TAFA2: variants seen among roughly 807,000 people sequenced by gnomAD.
The protein encoded by TAFA2 is TAFA chemokine like family member 2.
TAFA2 carries 7 observed loss-of-function variants against 18.8 expected under a neutral mutation model. The observed-to-expected ratio is 0.37, with a 90% CI of 0.21 to 0.70. The LOEUF is 0.70. Ranked by LOEUF, TAFA2 falls within the 30% of genes least tolerant of loss-of-function variation. The probability of loss-of-function intolerance (pLI) is 0.53; values close to 1 mark genes in which losing one functional copy is unlikely to be tolerated. For missense variants in TAFA2, 122 were observed against 158.1 expected (o/e 0.77, Z 1.23); for synonymous variants, 60 against 54.2 (o/e 1.11, Z -0.47).
At chr12:62,178,955 AT>A (rs1408851516) in intron 1 of TAFA2, among the ~76,000 whole-genome samples, 1 of 152,144 alleles carries the variant, frequency 6.6e-6, no homozygotes, top group Non-Finnish European at 1.5e-5. Context: ...TGTCTGTATG[AT>A]TTTTACCTTT....
intron 2 of TAFA2, among the ~76,000 whole-genome samples, chr12:61,788,058 G>T (rs555982796): frequency 6.6e-6 from 1 of 151,754 alleles, no homozygotes; most frequent in East Asian, 1.9e-4. Flanking sequence ...AACTATAGTT[G>T]CAGCAGATAA....
At chr12:61,763,090 T>C (rs1223135207) in intron 2 of TAFA2, among the ~76,000 whole-genome samples, 1 of 152,058 alleles carries the variant, frequency 6.6e-6, no homozygotes, top group African/African-American at 2.4e-5. Context: ...TTTTTAGACT[T>C]TCATGCTGAA....
At chr12:62,038,734 T>G (rs1218863398) in intron 1 of TAFA2, among the ~76,000 whole-genome samples, 1 of 152,170 alleles carries the variant, frequency 6.6e-6, no homozygotes, top group African/African-American at 2.4e-5. Flanking sequence ...CTTCATTTGA[T>G]CACTTAAAAA....
chr12:62,147,729 CAAAAAAAAAA>C (rs10552283), intron 1 of TAFA2, among the ~76,000 whole-genome samples: 6 of 76,394 alleles, frequency 7.9e-5, no homozygotes, highest in Non-Finnish European at 1.5e-4. Context: ...GACTCTGTCT[CAAAAAAAAAA>C]AAAAAAAAAA....
intron 1 of TAFA2, among the ~76,000 whole-genome samples, chr12:62,181,712 G>A (rs1458680916): frequency 1.3e-5 from 2 of 152,244 alleles, no homozygotes; most frequent in South Asian, 2.1e-4. Flanking sequence ...TGTGACATGA[G>A]GTCCTAGACA....
At chr12:61,867,787 A>T (rs1255164364) in intron 1 of TAFA2, among the ~76,000 whole-genome samples, 4 of 152,164 alleles carry the variant, frequency 2.6e-5, no homozygotes, top group Non-Finnish European at 5.9e-5. Context: ...TAAATGCCTT[A>T]TTATTTTACT....
intron 1 of TAFA2, among the ~76,000 whole-genome samples, chr12:62,069,605 G>A (rs1224805887): frequency 6.6e-6 from 1 of 152,146 alleles, no homozygotes; most frequent in Non-Finnish European, 1.5e-5. Flanking sequence ...AGGTTGAGCA[G>A]TTCAAAAGAA....
chr12:61,853,459 G>T (rs1873761494), intron 2 of TAFA2, among the ~76,000 whole-genome samples: 1 of 150,088 alleles, frequency 6.7e-6, no homozygotes, highest in East Asian at 1.9e-4. Context: ...TTTGATGGCG[G>T]ATTAAAAAAA....
intron 2 of TAFA2, among the ~76,000 whole-genome samples, chr12:61,828,966 C>T (rs1326452847): frequency 6.6e-6 from 1 of 151,684 alleles, no homozygotes; most frequent in African/African-American, 2.4e-5. Flanking sequence ...TCTGATGACT[C>T]CACATAGACA....
At chr12:62,138,346 C>T (rs935636187) in intron 1 of TAFA2, among the ~76,000 whole-genome samples, 24 of 152,098 alleles carry the variant, frequency 1.6e-4, no homozygotes, top group Non-Finnish European at 3.2e-4. Flanking sequence ...TATTCTCCTA[C>T]CCTTCTTTAT....
At chr12:62,106,971 G>A (rs1869487911) in intron 1 of TAFA2, among the ~76,000 whole-genome samples, 1 of 152,002 alleles carries the variant, frequency 6.6e-6, no homozygotes. Flanking sequence ...TCCCCCTGTT[G>A]ACATAGGTCA....
chr12:61,854,314 A>G (rs1386610020), intron 2 of TAFA2, among the ~76,000 whole-genome samples: 1 of 152,182 alleles, frequency 6.6e-6, no homozygotes, highest in Non-Finnish European at 1.5e-5. Context: ...CCCCCAAAAA[A>G]TTATAGCAGA....
intron 2 of TAFA2, among the ~76,000 whole-genome samples, chr12:61,790,598 A>G (rs959565317): frequency 4.6e-5 from 7 of 151,840 alleles, no homozygotes; most frequent in African/African-American, 1.7e-4. Flanking sequence ...AAAATGAAGA[A>G]AACAATCACT....
chr12:62,064,592 T>G (rs1354161454), intron 1 of TAFA2, among the ~76,000 whole-genome samples: 1 of 152,094 alleles, frequency 6.6e-6, no homozygotes, highest in Non-Finnish European at 1.5e-5. Context: ...TACCACTTGG[T>G]GGATTCAACA....
At chr12:62,193,157 G>C (rs1277415211), upstream of TAFA2, among the ~76,000 whole-genome samples, 1 of 152,084 alleles carries the variant, frequency 6.6e-6, no homozygotes, top group Non-Finnish European at 1.5e-5. Context: ...GGCTCACTTC[G>C]ATCATGTTTG....
intron 1 of TAFA2, among the ~76,000 whole-genome samples, chr12:61,993,868 T>C (rs984488399): frequency 6.6e-6 from 1 of 152,140 alleles, no homozygotes; most frequent in Non-Finnish European, 1.5e-5. Flanking sequence ...AGATGAAAGA[T>C]TCATGTTCCT....
At chr12:61,997,266 G>A (rs775693130) in intron 1 of TAFA2, among the ~76,000 whole-genome samples, 6 of 151,762 alleles carry the variant, frequency 4.0e-5, no homozygotes, top group Non-Finnish European at 5.9e-5. Context: ...GATGGCAACA[G>A]ACTATGATCA....
chr12:61,919,985 C>A (rs1438474358), intron 1 of TAFA2, among the ~76,000 whole-genome samples: 1 of 152,082 alleles, frequency 6.6e-6, no homozygotes, highest in Admixed American at 6.6e-5. Context: ...TTCTCAGTCT[C>A]ATTACCAATA....
intron 1 of TAFA2, among the ~76,000 whole-genome samples, chr12:62,096,344 A>G (rs2136841613): frequency 6.6e-6 from 1 of 152,280 alleles, no homozygotes; most frequent in Non-Finnish European, 1.5e-5. Flanking sequence ...GGAAAGGTGA[A>G]GGACCTTTGC....
Sources: allele counts gnomAD v4.1 joint callset (sites outside exome capture counted in the v4.1 genomes callset), GRCh38; gene constraint gnomAD v4.1.1; transcripts MANE v1.5; gene names NCBI Gene and HGNC (gene_info 2026-07-23, HGNC 2026-07-21).